DCBLD2: variants seen among roughly 807,000 people sequenced by gnomAD.
DCBLD2 encodes discoidin, CUB and LCCL domain-containing protein 2.
DCBLD2 carries 54 observed loss-of-function variants against 86.8 expected under a neutral mutation model. The observed-to-expected ratio is 0.62, with a 90% CI of 0.50 to 0.78. The LOEUF (loss-of-function observed/expected upper bound fraction) is 0.78. DCBLD2 is among the 30% of genes least tolerant of loss of function. The probability of loss-of-function intolerance (pLI) is 0.00; values close to 1 mark genes in which losing one functional copy is unlikely to be tolerated. For synonymous variants in DCBLD2, 354 were observed against 341.3 expected (o/e 1.04, Z -0.41); for missense variants, 908 against 954.2 (o/e 0.95, Z 0.64).
chr3:98,801,741 T>A, intron 13 of DCBLD2, 92 bp from the exon 14 acceptor site: 1 of 857,098 alleles, frequency 1.2e-6, no homozygotes, highest in Non-Finnish European at 1.8e-6. Context: ...GTATGTGATA[T>A]TCCCCTTCCT....
intron 1 of DCBLD2, among the ~76,000 whole-genome samples, chr3:98,887,965 T>C (rs548166924): frequency 1.3e-5 from 2 of 151,998 alleles, no homozygotes; most frequent in East Asian, 3.9e-4. Flanking sequence ...GCCCTAAAAA[T>C]CCCATGTTCC....
chr3:98,849,628 G>A (rs768177522), intron 2 of DCBLD2, 30 bp from the exon 3 acceptor site: 1 of 1,597,038 alleles, frequency 6.3e-7, no homozygotes. Flanking sequence ...AGATTATTTG[G>A]GATGACTCTC....
At chr3:98,880,772 G>A (rs2107521663) in intron 2 of DCBLD2, among the ~76,000 whole-genome samples, 1 of 152,270 alleles carries the variant, frequency 6.6e-6, no homozygotes, top group Middle Eastern at 3.4e-3. Flanking sequence ...AAAAAATGGA[G>A]AGGTCAGGTA....
chr3:98,806,172 G>A (rs1371443527), intron 13 of DCBLD2, among the ~76,000 whole-genome samples: 1 of 152,174 alleles, frequency 6.6e-6, no homozygotes, highest in Non-Finnish European at 1.5e-5. Flanking sequence ...GACTGGGCAT[G>A]TGGTGGTAAC....
intron 2 of DCBLD2, among the ~76,000 whole-genome samples, chr3:98,860,943 A>C: frequency 6.6e-6 from 1 of 152,310 alleles, no homozygotes; most frequent in Middle Eastern, 3.4e-3. Context: ...TTGGATAAAG[A>C]GTCGAGACTC....
intron 2 of DCBLD2, among the ~76,000 whole-genome samples, chr3:98,862,446 T>C (rs896013859): frequency 6.6e-6 from 1 of 152,212 alleles, no homozygotes; most frequent in Non-Finnish European, 1.5e-5. Flanking sequence ...ATATCCCTGA[T>C]GAACATCGAT....
intron 3 of DCBLD2, among the ~76,000 whole-genome samples, chr3:98,836,835 C>T (rs1205093936): frequency 1.7e-5 from 1 of 59,966 alleles, no homozygotes; most frequent in Non-Finnish European, 4.0e-5. Context: ...GACCCCCCCA[C>T]CTCCCTCCCG....
intron 2 of DCBLD2, among the ~76,000 whole-genome samples, chr3:98,855,825 T>C (rs1247748618): frequency 1.3e-5 from 2 of 152,216 alleles, no homozygotes; most frequent in Admixed American, 6.5e-5. Flanking sequence ...ACTTCTACTT[T>C]AGCAAAGGAC....
At chr3:98,885,404 A>G (rs1181431360) in intron 1 of DCBLD2, among the ~76,000 whole-genome samples, 1 of 139,088 alleles carries the variant, frequency 7.2e-6, no homozygotes, top group African/African-American at 2.7e-5. Context: ...AGGGAAGGCT[A>G]GACATATACA....
Position 98,822,357 on chromosome 3 carries a change from G to A in DCBLD2, c.701C>T (p.Ser234Leu). ...ATGCACACCAGCCATGCACAATGGC[G>A]AGGACTTAAGGAAGGGAAAAGAAAA... ...GTIPHGYRDSSPLCMAGVHAG... is the reference protein window; with the variant it reads ...GTIPHGYRDSLPLCMAGVHAG... Residue 234 changes from serine to leucine, a missense_variant, in exon 6 of 16, where the codon TCG (serine) becomes TTG (leucine). By Grantham distance (145) the Ser-to-Leu change is moderately radical. Transcript: ENST00000326840. The A allele has an allele frequency of 6.2e-7, 1 of 1,610,848 alleles. No individual in the cohort carries two copies. Among genetic ancestry groups the A allele is most frequent in the Non-Finnish European group, 8.5e-7 (1 of 1,179,172 alleles).
In DCBLD2 at chr3:98,881,897, T is replaced by A. The variant is rs185620759; in HGVS notation, c.206-130A>T. On this transcript the variant is annotated intron_variant, in intron 1 of 15. Coordinates refer to ENST00000326840, the MANE Select transcript of DCBLD2 (RefSeq NM_080927.4). Reference sequence around the variant, plus strand: ...TATACCACCCATACTTTCTATTTTATTTTTTTTAATGGACAAATAATTGTA... The same window carrying A: ...TATACCACCCATACTTTCTATTTTAATTTTTTTAATGGACAAATAATTGTA... 1,256 of 865,110 alleles carry A rather than the reference T, an allele frequency of 1.5e-3. 12 individuals carry two copies. In the African/African-American group the frequency reaches 0.019, roughly 13 times the overall value. The allele number at this position is 865,110 out of a possible 1,614,324, so 53.6% of individuals were successfully genotyped here.
intron 1 of DCBLD2, among the ~76,000 whole-genome samples, chr3:98,891,208 G>A (rs529438984): frequency 6.6e-6 from 1 of 151,374 alleles, no homozygotes; most frequent in Non-Finnish European, 1.5e-5. Flanking sequence ...GAGAGAGGGA[G>A]AGGGAGGGAG....
intron 12 of DCBLD2, among the ~76,000 whole-genome samples, chr3:98,808,894 G>A (rs278382): frequency 0.31 from 46,505 of 152,012 alleles, 8,594 homozygotes; most frequent in East Asian, 0.69. Flanking sequence ...CTGTTTCTGC[G>A]TAAGAGTGAA....
Position 98,881,532 on chromosome 3 carries a change from A to C in DCBLD2, c.433+8T>G, listed in dbSNP as rs1361626849. The C allele has an allele frequency of 6.2e-7, 1 of 1,609,970 alleles. No homozygotes were observed. Among genetic ancestry groups the C allele is most frequent in the South Asian group, 1.1e-5 (1 of 90,956 alleles). ...ATTTACATGTACATTTACAAAAAAAAGTCCTACCTATTTCAGTTCTGCTGA... is the reference window on the plus strand; with the variant it reads ...ATTTACATGTACATTTACAAAAAAACGTCCTACCTATTTCAGTTCTGCTGA... On this transcript the variant is annotated splice_region_variant and intron_variant, in intron 2 of 15. Coordinates refer to ENST00000326840, the MANE Select transcript of DCBLD2 (RefSeq NM_080927.4).
intron 3 of DCBLD2, among the ~76,000 whole-genome samples, chr3:98,841,690 C>A (rs1942624397): frequency 6.6e-6 from 1 of 152,150 alleles, no homozygotes; most frequent in African/African-American, 2.4e-5. Flanking sequence ...TCACTTACCA[C>A]AATAAGTTGG....
intron 2 of DCBLD2, among the ~76,000 whole-genome samples, chr3:98,871,051 A>G (rs779925319): frequency 2.7e-5 from 4 of 150,854 alleles, no homozygotes; most frequent in East Asian, 3.9e-4. Context: ...TTTTGCAACA[A>G]TTGTAAATGG....
intron 10 of DCBLD2, among the ~76,000 whole-genome samples, chr3:98,811,803 G>A (rs1941945091): frequency 1.3e-5 from 2 of 152,072 alleles, no homozygotes; most frequent in Admixed American, 1.3e-4. Context: ...ATAATGGGGT[G>A]GAAAGTGATG....
intron 13 of DCBLD2, among the ~76,000 whole-genome samples, chr3:98,802,874 T>A (rs1351761090): frequency 6.6e-6 from 1 of 152,218 alleles, no homozygotes; most frequent in Non-Finnish European, 1.5e-5. Flanking sequence ...TGTGGTATTA[T>A]TTCTGAGGGC....
chr3:98,805,180 C>T (rs577493472), intron 13 of DCBLD2: 2 of 151,946 alleles, frequency 1.3e-5, no homozygotes, highest in African/African-American at 4.8e-5. Context: ...CTAAATGCAT[C>T]CTCATTTTAA....
Sources: allele counts gnomAD v4.1 joint callset (sites outside exome capture counted in the v4.1 genomes callset), GRCh38; gene constraint gnomAD v4.1.1; transcripts MANE v1.5; gene names NCBI Gene and HGNC (gene_info 2026-07-23, HGNC 2026-07-21).